COLEC12: variants seen among roughly 807,000 people sequenced by gnomAD.
COLEC12 encodes collectin-12.
Under a neutral mutation model 71.1 loss-of-function variants are expected in COLEC12, and 33 were observed. The ratio of observed to expected loss-of-function variants is 0.46; its 90% CI spans 0.35 to 0.62. The LOEUF is 0.62. Ranked by LOEUF, COLEC12 falls within the 20% of genes least tolerant of loss-of-function variation. The pLI, the probability that COLEC12 is intolerant of heterozygous loss-of-function variation, is 0.00. For synonymous variants in COLEC12, 350 were observed against 353.0 expected (o/e 0.99, Z 0.10); for missense variants, 765 against 916.1 (o/e 0.84, Z 2.13).
chr18:459,991 G>A (rs1439329648), intron 2 of COLEC12, among the ~76,000 whole-genome samples: 10 of 151,626 alleles, frequency 6.6e-5, no homozygotes, highest in African/African-American at 2.2e-4. Flanking sequence ...CAAGTGATGA[G>A]TGATGACTGA....
chr18:397,986 C>T (rs1469509742), intron 2 of COLEC12, among the ~76,000 whole-genome samples: 1 of 152,298 alleles, frequency 6.6e-6, no homozygotes, highest in East Asian at 1.9e-4. Flanking sequence ...GTTACAGATA[C>T]AAAATATGTC....
intron 4 of COLEC12, 130 bp from the exon 5 acceptor site, chr18:347,471 G>C (rs1475645792): frequency 4.3e-6 from 3 of 701,560 alleles, no homozygotes; most frequent in African/African-American, 1.8e-5. Flanking sequence ...TAAGCGGACA[G>C]CTCTGCATTA....
chr18:426,920 AT>A (rs34099166), intron 2 of COLEC12, among the ~76,000 whole-genome samples: 41,588 of 151,960 alleles, frequency 0.27, 7,107 homozygotes, highest in South Asian at 0.49. Flanking sequence ...GGCCATCACT[AT>A]TTATTTTCCC....
chr18:455,182 C>T (rs569123031), intron 2 of COLEC12, among the ~76,000 whole-genome samples: 1 of 152,164 alleles, frequency 6.6e-6, no homozygotes, highest in East Asian at 1.9e-4. Context: ...GAAAGTTACA[C>T]TGGGAGATAA....
intron 2 of COLEC12, among the ~76,000 whole-genome samples, chr18:371,341 G>A (rs983747555): frequency 2.6e-5 from 4 of 152,162 alleles, no homozygotes; most frequent in African/African-American, 9.7e-5. Context: ...TTTATCCAGA[G>A]GACTACTGCA....
intron 2 of COLEC12, among the ~76,000 whole-genome samples, chr18:369,394 T>TTA (rs1555615261): frequency 2.1e-5 from 3 of 143,002 alleles, no homozygotes; most frequent in Non-Finnish European, 3.0e-5. Context: ...TCTTTTTTTT[T>TTA]TTATTTTTTT....
At chr18:471,853 A>G (rs1052639250) in intron 2 of COLEC12, among the ~76,000 whole-genome samples, 5 of 152,142 alleles carry the variant, frequency 3.3e-5, no homozygotes, top group African/African-American at 1.2e-4. Context: ...CCCTTTGTAC[A>G]TAACTAATTT....
intron 5 of COLEC12, among the ~76,000 whole-genome samples, chr18:337,822 A>C (rs1331201396): frequency 6.6e-6 from 1 of 152,090 alleles, no homozygotes; most frequent in Admixed American, 6.5e-5. Flanking sequence ...TTCTCCTTCC[A>C]TCATCCCTTC....
intron 8 of COLEC12, among the ~76,000 whole-genome samples, chr18:324,560 G>A (rs1334199538): frequency 6.6e-6 from 1 of 152,172 alleles, no homozygotes; most frequent in East Asian, 1.9e-4. Flanking sequence ...TGGGCATGGT[G>A]GCTCACACCT....
intron 3 of COLEC12, among the ~76,000 whole-genome samples, chr18:356,531 T>A (rs1338430570): frequency 6.6e-6 from 1 of 152,194 alleles, no homozygotes; most frequent in Non-Finnish European, 1.5e-5. Flanking sequence ...GGGAATTCAC[T>A]TGGAGTCTTT....
intron 2 of COLEC12, among the ~76,000 whole-genome samples, chr18:394,574 T>C (rs1022887698): frequency 6.6e-6 from 1 of 152,246 alleles, no homozygotes; most frequent in African/African-American, 2.4e-5. Context: ...ACTTTTGACC[T>C]TGAAGGTTTC....
chr18:358,868 A>G (rs563494680), intron 2 of COLEC12, among the ~76,000 whole-genome samples: 1 of 152,354 alleles, frequency 6.6e-6, no homozygotes, highest in South Asian at 2.1e-4. Context: ...ATCTAAACAT[A>G]GAAAAGGTAC....
At chr18:484,637 T>C (rs908499392) in intron 1 of COLEC12, among the ~76,000 whole-genome samples, 3 of 152,184 alleles carry the variant, frequency 2.0e-5, no homozygotes, top group African/African-American at 7.2e-5. Context: ...CATCCCTTTC[T>C]TGGAAATTCA....
intron 2 of COLEC12, among the ~76,000 whole-genome samples, chr18:404,162 G>T (rs1196839781): frequency 6.6e-6 from 1 of 152,114 alleles, no homozygotes; most frequent in Non-Finnish European, 1.5e-5. Context: ...GACTTCTTTT[G>T]ATCTCTTGAA....
chr18:419,854 A>C (rs1256510487), intron 2 of COLEC12, among the ~76,000 whole-genome samples: 1 of 152,208 alleles, frequency 6.6e-6, no homozygotes, highest in Non-Finnish European at 1.5e-5. Context: ...TAACCAACAG[A>C]ATACAGCAGA....
At chr18:442,822 G>A (rs1414712379) in intron 2 of COLEC12, among the ~76,000 whole-genome samples, 2 of 152,222 alleles carry the variant, frequency 1.3e-5, no homozygotes, top group Non-Finnish European at 2.9e-5. Flanking sequence ...TTGGTCGGGC[G>A]TGGCGGCACG....
At chr18:413,450 AC>A (rs1455614653) in intron 2 of COLEC12, among the ~76,000 whole-genome samples, 1 of 152,246 alleles carries the variant, frequency 6.6e-6, no homozygotes, top group African/African-American at 2.4e-5. Context: ...AGTTTCTAAA[AC>A]AATGGAACAT....
At chr18:496,173 C>T (rs1255843567) in intron 1 of COLEC12, among the ~76,000 whole-genome samples, 1 of 152,066 alleles carries the variant, frequency 6.6e-6, no homozygotes, top group Non-Finnish European at 1.5e-5. Flanking sequence ...TGAGAATAGG[C>T]ATTTAGTAGG....
chr18:379,960 T>C (rs1915195985), intron 2 of COLEC12, among the ~76,000 whole-genome samples: 1 of 152,086 alleles, frequency 6.6e-6, no homozygotes, highest in Non-Finnish European at 1.5e-5. Context: ...CAAAGATTTC[T>C]ACCCAAAGCT....
Sources: gnomAD v4.1 joint callset for allele counts (sites outside exome capture counted in the v4.1 genomes callset) on GRCh38, gnomAD v4.1.1 for gene constraint, MANE v1.5 for transcripts, NCBI Gene and HGNC (gene_info 2026-07-23, HGNC 2026-07-21) for gene names.